Variants in OPCML observed in about 807,000 individuals in gnomAD.
The protein encoded by OPCML is opioid-binding protein/cell adhesion molecule.
OPCML carries 13 observed loss-of-function variants against 37.8 expected under a neutral mutation model. That is an observed-to-expected ratio of 0.34 (90% CI 0.22 to 0.55). OPCML has a LOEUF of 0.55. OPCML is among the 20% of genes least tolerant of loss of function. The pLI is 0.91. For synonymous variants in OPCML, 176 were observed against 168.8 expected (o/e 1.04, Z -0.33); for missense variants, 341 against 435.6 (o/e 0.78, Z 1.93).
At chr11:133,459,348 A>G (rs1031389476) in intron 1 of OPCML, among the ~76,000 whole-genome samples, 2 of 152,066 alleles carry the variant, frequency 1.3e-5, no homozygotes, top group Non-Finnish European at 2.9e-5. Flanking sequence ...ACAGCAAAAA[A>G]CAACAAAATG....
At chr11:132,746,668 G>T (rs931664181) in intron 2 of OPCML, among the ~76,000 whole-genome samples, 3 of 152,138 alleles carry the variant, frequency 2.0e-5, no homozygotes, top group African/African-American at 4.8e-5. Flanking sequence ...CAGTGATACT[G>T]ATCTGAAAAA....
At chr11:133,466,833 C>T (rs541867341) in intron 1 of OPCML, among the ~76,000 whole-genome samples, 5 of 152,204 alleles carry the variant, frequency 3.3e-5, no homozygotes, top group East Asian at 1.9e-4. Context: ...ACAAGACAGG[C>T]GGTATCAAGG....
chr11:132,519,119 A>C (rs1054476393), intron 4 of OPCML, among the ~76,000 whole-genome samples: 2 of 152,240 alleles, frequency 1.3e-5, no homozygotes, highest in East Asian at 3.8e-4. Context: ...TTAAGTAGAA[A>C]GTGTGGTCAC....
At chr11:132,469,470 CTG>C (rs200349396) in intron 4 of OPCML, among the ~76,000 whole-genome samples, 1 of 140,426 alleles carries the variant, frequency 7.1e-6, no homozygotes, top group Non-Finnish European at 1.5e-5. Context: ...GCCTGTGTGC[CTG>C]TGTGTGTGTG....
At chr11:132,805,973 A>C (rs1938981575) in intron 2 of OPCML, among the ~76,000 whole-genome samples, 1 of 152,244 alleles carries the variant, frequency 6.6e-6, no homozygotes, top group Non-Finnish European at 1.5e-5. Context: ...CAATAATCAC[A>C]CAGAAAACAA....
At chr11:132,965,366 G>C (rs538922070) in intron 1 of OPCML, among the ~76,000 whole-genome samples, 12 of 152,156 alleles carry the variant, frequency 7.9e-5, no homozygotes, top group African/African-American at 2.2e-4. Context: ...TTTTGTGTCG[G>C]GGGGAGATGT....
intron 1 of OPCML, among the ~76,000 whole-genome samples, chr11:133,079,289 G>A (rs1948672611): frequency 6.6e-6 from 1 of 152,156 alleles, no homozygotes; most frequent in East Asian, 1.9e-4. Context: ...CCTCACAGCA[G>A]GGTTATCCCA....
At chr11:132,689,111 T>A (rs905510952) in intron 2 of OPCML, among the ~76,000 whole-genome samples, 2 of 152,158 alleles carry the variant, frequency 1.3e-5, no homozygotes, top group Admixed American at 1.3e-4. Context: ...CCGGGAATGC[T>A]GTTTCAGTCT....
At chr11:132,746,457 C>T (rs1945639788) in intron 2 of OPCML, among the ~76,000 whole-genome samples, 2 of 152,108 alleles carry the variant, frequency 1.3e-5, no homozygotes, top group Non-Finnish European at 2.9e-5. Context: ...CCACTCCTCC[C>T]CCCACCTCTG....
At chr11:133,203,843 G>T (rs1938911065) in intron 1 of OPCML, among the ~76,000 whole-genome samples, 1 of 152,052 alleles carries the variant, frequency 6.6e-6, no homozygotes, top group Non-Finnish European at 1.5e-5. Context: ...TGGATCACGA[G>T]GTCAGGAGAT....
At chr11:133,384,686 A>T (rs1945006813) in intron 1 of OPCML, among the ~76,000 whole-genome samples, 2 of 152,198 alleles carry the variant, frequency 1.3e-5, no homozygotes, top group Admixed American at 1.3e-4. Context: ...CCTGCCACTG[A>T]CAGGCTGAGA....
chr11:132,540,920 G>A (rs117373132), intron 3 of OPCML, among the ~76,000 whole-genome samples: 19 of 152,298 alleles, frequency 1.2e-4, no homozygotes, highest in East Asian at 1.2e-3. Context: ...GGAGCATGGA[G>A]GTGCCCTCCC....
Position 132,883,584 on chromosome 11 carries a change from A to G in OPCML, c.146+59342T>C, listed in dbSNP as rs375692721. On this transcript the variant is annotated intron_variant, in intron 2 of 7. Coordinates refer to ENST00000524381, the MANE Select transcript of OPCML (RefSeq NM_001012393.5). Reference sequence around the variant, plus strand: ...GAAACATGATTTTATTTAGGTTAGGATGACATACAGGAATACTGTTAGCGT... The same window carrying G: ...GAAACATGATTTTATTTAGGTTAGGGTGACATACAGGAATACTGTTAGCGT... 3.9e-4 allele frequency among the ~76,000 whole-genome samples: 60 copies of G among 152,318 alleles called. 1 individual carries two copies. In the East Asian group the frequency reaches 0.01, roughly 26 times the overall value.
intron 4 of OPCML, among the ~76,000 whole-genome samples, chr11:132,483,288 C>A (rs1313656335): frequency 6.7e-6 from 1 of 150,302 alleles, no homozygotes; most frequent in East Asian, 1.9e-4. Flanking sequence ...AGACAAACAG[C>A]CAAATCATGA....
At chr11:132,432,293 A>C (rs2095999682) in intron 7 of OPCML, among the ~76,000 whole-genome samples, 1 of 152,226 alleles carries the variant, frequency 6.6e-6, no homozygotes, top group South Asian at 2.1e-4. Flanking sequence ...GGTAATAATT[A>C]GGCATAATTA....
intron 1 of OPCML, chr11:133,004,857 C>G (rs1947076049): frequency 1.0e-6 from 1 of 985,402 alleles, no homozygotes; most frequent in Non-Finnish European, 1.2e-6. Flanking sequence ...ATCCCCAAGA[C>G]AGAAATCAAC....
intron 2 of OPCML, among the ~76,000 whole-genome samples, chr11:132,823,888 C>A (rs1441549022): frequency 6.6e-6 from 1 of 152,138 alleles, no homozygotes; most frequent in African/African-American, 2.4e-5. Flanking sequence ...TCCAGAAAAG[C>A]AGCCTGTATG....
At chr11:132,832,141 A>T (rs954530549) in intron 2 of OPCML, among the ~76,000 whole-genome samples, 3 of 151,918 alleles carry the variant, frequency 2.0e-5, no homozygotes, top group African/African-American at 7.3e-5. Context: ...AGGAATCCCT[A>T]GTCACATCCC....
intron 2 of OPCML, among the ~76,000 whole-genome samples, chr11:132,739,618 A>T (rs1327755535): frequency 1.3e-5 from 2 of 152,226 alleles, no homozygotes; most frequent in African/African-American, 4.8e-5. Flanking sequence ...TAGCCAGATG[A>T]TCAAGATGTT....
Sources: gnomAD v4.1 joint callset for allele counts (sites outside exome capture counted in the v4.1 genomes callset) on GRCh38, gnomAD v4.1.1 for gene constraint, MANE v1.5 for transcripts, NCBI Gene and HGNC (gene_info 2026-07-23, HGNC 2026-07-21) for gene names.